Variants in EPS15 observed in about 807,000 individuals in gnomAD.
EPS15 encodes epidermal growth factor receptor pathway substrate 15, also known as epidermal growth factor receptor substrate 15.
A neutral mutation model predicts 113.8 loss-of-function variants in EPS15; 72 were observed. The observed-to-expected ratio is 0.63, with a 90% CI of 0.52 to 0.77. EPS15 has a LOEUF of 0.77. Among genes scored for constraint, EPS15 ranks in the 30% least tolerant of loss-of-function variants. The pLI, the probability that EPS15 is intolerant of heterozygous loss-of-function variation, is 0.00. For synonymous variants in EPS15, 344 were observed against 363.4 expected, an observed-to-expected ratio of 0.95 and a Z score of 0.61; for missense variants, 1,048 against 1,045.8, an observed-to-expected ratio of 1.00 and a Z score of -0.03.
intron 12 of EPS15, among the ~76,000 whole-genome samples, chr1:51,438,409 G>C (rs899967261): frequency 2.0e-5 from 3 of 152,116 alleles, no homozygotes; most frequent in East Asian, 3.8e-4. Flanking sequence ...TGAAAGATTA[G>C]TTGACCAAAA....
At chr1:51,471,337 A>C (rs929119837) in intron 4 of EPS15, among the ~76,000 whole-genome samples, 1 of 152,232 alleles carries the variant, frequency 6.6e-6, no homozygotes, top group African/African-American at 2.4e-5. Flanking sequence ...TGATTAACCA[A>C]GAGTTTCCTT....
chr1:51,483,418 T>A (rs531900422), intron 1 of EPS15, among the ~76,000 whole-genome samples: 22 of 140,898 alleles, frequency 1.6e-4, no homozygotes, highest in African/African-American at 6.7e-4. Flanking sequence ...TGTGTGTGTG[T>A]GTGTGTGTGT....
At chr1:51,409,719 T>C (rs1570239485) in intron 13 of EPS15, 23 bp from the exon 14 acceptor site, 1 of 1,550,370 alleles carries the variant, frequency 6.5e-7, no homozygotes, top group East Asian at 2.2e-5. Context: ...AAAATTAATA[T>C]ATTTATTTTC....
intron 7 of EPS15, among the ~76,000 whole-genome samples, 187 bp from the exon 8 acceptor site, chr1:51,461,337 G>A (rs993118586): frequency 1.1e-4 from 17 of 151,772 alleles, no homozygotes; most frequent in African/African-American, 3.6e-4. Flanking sequence ...GAAACATAAC[G>A]AGATCCCATC....
intron 12 of EPS15, among the ~76,000 whole-genome samples, chr1:51,435,200 T>C (rs1224763139): frequency 1.3e-5 from 2 of 152,158 alleles, no homozygotes; most frequent in Non-Finnish European, 2.9e-5. Flanking sequence ...TCTTTTTTCT[T>C]TTTTTGAGAC....
At chr1:51,414,912 T>C (rs746999763) in intron 13 of EPS15, among the ~76,000 whole-genome samples, 5 of 152,182 alleles carry the variant, frequency 3.3e-5, no homozygotes, top group Non-Finnish European at 7.4e-5. Flanking sequence ...ATGTTAACAA[T>C]AGCTCTCTCT....
intron 1 of EPS15, among the ~76,000 whole-genome samples, chr1:51,504,094 A>G (rs1486814234): frequency 6.6e-6 from 1 of 152,170 alleles, no homozygotes; most frequent in African/African-American, 2.4e-5. Flanking sequence ...AAAAATATAT[A>G]TAAATTAGAC....
At chr1:51,478,394 C>T (rs1643955349) in intron 2 of EPS15, among the ~76,000 whole-genome samples, 1 of 152,134 alleles carries the variant, frequency 6.6e-6, no homozygotes, top group Non-Finnish European at 1.5e-5. Flanking sequence ...ACTGATGGGT[C>T]TTGCCTCTTT....
intron 12 of EPS15, chr1:51,423,650 T>C (rs931310975): frequency 8.7e-5 from 86 of 985,118 alleles, no homozygotes; most frequent in Non-Finnish European, 1.0e-4. Flanking sequence ...AGTGCACACA[T>C]TTGTACTGAA....
At chr1:51,365,598 G>A (rs1646490814) in intron 22 of EPS15, among the ~76,000 whole-genome samples, 1 of 152,142 alleles carries the variant, frequency 6.6e-6, no homozygotes, top group South Asian at 2.1e-4. Flanking sequence ...ATACAGAGAG[G>A]ACGAAATAAA....
At chr1:51,375,949 A>C (rs551309153) in intron 21 of EPS15, among the ~76,000 whole-genome samples, 1 of 152,386 alleles carries the variant, frequency 6.6e-6, no homozygotes, top group South Asian at 2.1e-4. Context: ...AAGAAAAACA[A>C]ACTTAGCAAG....
At chr1:51,362,880 T>G (rs1030916085) in intron 23 of EPS15, among the ~76,000 whole-genome samples, 5 of 152,220 alleles carry the variant, frequency 3.3e-5, no homozygotes. Flanking sequence ...GAATTATCCT[T>G]TTAGCCACTT....
chr1:51,373,856 C>T (rs1212189761), intron 21 of EPS15, among the ~76,000 whole-genome samples: 1 of 152,112 alleles, frequency 6.6e-6, no homozygotes, highest in Non-Finnish European at 1.5e-5. Flanking sequence ...GAGGCTGAGG[C>T]AGGAGAATCA....
chr1:51,376,631 T>C (rs368440383), intron 21 of EPS15, among the ~76,000 whole-genome samples: 3 of 152,190 alleles, frequency 2.0e-5, no homozygotes, highest in East Asian at 3.9e-4. Flanking sequence ...ACCACTGTGC[T>C]CCAGCCTGGG....
intron 12 of EPS15, among the ~76,000 whole-genome samples, chr1:51,436,562 A>T (rs1451216363): frequency 6.6e-6 from 1 of 152,238 alleles, no homozygotes; most frequent in African/African-American, 2.4e-5. Context: ...GATAAGTGTT[A>T]TAACAGTTGT....
At chr1:51,436,061 T>A (rs1450219546) in intron 12 of EPS15, among the ~76,000 whole-genome samples, 1 of 152,192 alleles carries the variant, frequency 6.6e-6, no homozygotes, top group Non-Finnish European at 1.5e-5. Flanking sequence ...AATAGTAGAT[T>A]CGAGTACTGT....
chr1:51,482,051 T>C (rs1644030098), intron 1 of EPS15, among the ~76,000 whole-genome samples: 1 of 152,116 alleles, frequency 6.6e-6, no homozygotes, highest in Non-Finnish European at 1.5e-5. Context: ...ATGCCTGTAG[T>C]CCCAGCTACT....
chr1:51,402,411 T>C, intron 18 of EPS15, 24 bp downstream of exon 18: 1 of 1,287,080 alleles, frequency 7.8e-7, no homozygotes, highest in Non-Finnish European at 1.1e-6. Flanking sequence ...GGTAAATCTA[T>C]AATATAAAAA....
At chr1:51,379,249 AG>A (rs1363918636) in intron 21 of EPS15, among the ~76,000 whole-genome samples, 1 of 152,200 alleles carries the variant, frequency 6.6e-6, no homozygotes, top group African/African-American at 2.4e-5. Context: ...CCTCTGGAGT[AG>A]CTAGGACTAC....
Sources: allele counts gnomAD v4.1 joint callset (sites outside exome capture counted in the v4.1 genomes callset), GRCh38; gene constraint gnomAD v4.1.1; transcripts MANE v1.5; gene names NCBI Gene and HGNC (gene_info 2026-07-23, HGNC 2026-07-21).